TSBP1: variants seen among roughly 807,000 people sequenced by gnomAD.
TSBP1 encodes the protein testis expressed basic protein 1, also known as testis-expressed basic protein 1.
TSBP1 carries 56 observed loss-of-function variants against 68.8 expected under a neutral mutation model. The observed-to-expected ratio is 0.81, with a 90% CI of 0.66 to 1.02. The LOEUF (loss-of-function observed/expected upper bound fraction) is 1.02. Among genes scored for constraint, TSBP1 ranks in the 50% least tolerant of loss-of-function variants. The pLI is 0.00. For missense variants in TSBP1, 502 were observed against 641.2 expected, an observed-to-expected ratio of 0.78 and a Z score of 2.34; for synonymous variants, 171 against 208.7, an observed-to-expected ratio of 0.82 and a Z score of 1.56.
At chr6:32,332,535 G>A (rs1769160470) in intron 14 of TSBP1, among the ~76,000 whole-genome samples, 1 of 152,176 alleles carries the variant, frequency 6.6e-6, no homozygotes. Flanking sequence ...GAGTGATAGA[G>A]CAGTGACTGC....
chr6:32,302,797 A>G lies in TSBP1; in HGVS notation c.581-168T>C, dbSNP rs563218332. Among the ~76,000 whole-genome samples, 1 of 152,296 alleles carries G rather than the reference A, an allele frequency of 6.6e-6. No individual in the cohort carries two copies. The highest frequency in any genetic ancestry group is 2.1e-4 in the South Asian group (1 of 4,828). ...ACAGATCCCTTAGTGTGTTATAAGA[A>G]CCTGACAGTTTTTACCACCTTTATG... On this transcript the variant is annotated intron_variant, in intron 19 of 22. Coordinates refer to ENST00000612031, the Ensembl canonical transcript of TSBP1. The surrounding 1 kb of genome is among the most constrained non-coding windows in gnomAD (Gnocchi z 5.1).
chr6:32,309,225 T>C (rs1379386739), intron 19 of TSBP1, among the ~76,000 whole-genome samples: 3 of 152,146 alleles, frequency 2.0e-5, no homozygotes, highest in Non-Finnish European at 2.9e-5. Flanking sequence ...GCAGGGCTTA[T>C]AGGTGTGAAC....
chr6:32,296,736 G>T (rs538377279), intron 22 of TSBP1, among the ~76,000 whole-genome samples: 28 of 152,018 alleles, frequency 1.8e-4, no homozygotes, highest in Admixed American at 1.1e-3. Flanking sequence ...ATCCCTTGGG[G>T]GTAATTATTT....
chr6:32,295,693 A>C, intron 22 of TSBP1, among the ~76,000 whole-genome samples: 1 of 152,214 alleles, frequency 6.6e-6, no homozygotes, highest in East Asian at 1.9e-4. Flanking sequence ...GGTACAGTGC[A>C]TGGGACATAA....
chr6:32,293,481 C>T, exon 23 of TSBP1: 2 of 1,610,898 alleles, frequency 1.2e-6, no homozygotes, highest in Non-Finnish European at 1.7e-6. Flanking sequence ...CTCTTCTTTA[C>T]CTGGGCTTCC....
At chr6:32,331,577 C>T (rs906461588) in intron 15 of TSBP1, among the ~76,000 whole-genome samples, 2 of 152,074 alleles carry the variant, frequency 1.3e-5, no homozygotes, top group Admixed American at 1.3e-4. Context: ...GACAAAGGGC[C>T]AACTAAAGAA....
chr6:32,328,422 A>AT (rs201332386), intron 16 of TSBP1, among the ~76,000 whole-genome samples: 22,285 of 135,344 alleles, frequency 0.16, 1,903 homozygotes, highest in East Asian at 0.31. Flanking sequence ...TAACTTTTGT[A>AT]TTTTTTTTTT....
chr6:32,359,368 G>A (rs1256665023), intron 6 of TSBP1, among the ~76,000 whole-genome samples: 1 of 151,934 alleles, frequency 6.6e-6, no homozygotes, highest in Non-Finnish European at 1.5e-5. Context: ...TCTCATTGTG[G>A]TTTTGATTTG....
chr6:32,339,602 G>A, exon 10 of TSBP1: 1 of 1,282,972 alleles, frequency 7.8e-7, no homozygotes, highest in Non-Finnish European at 1.1e-6. Flanking sequence ...AAACTTACAA[G>A]GAGGTTCTTC....
chr6:32,355,239 G>A, intron 7 of TSBP1, 95 bp from the exon 8 acceptor site: 2 of 1,306,202 alleles, frequency 1.5e-6, no homozygotes, highest in Non-Finnish European at 2.2e-6. Context: ...CCCCTTCTCA[G>A]GAGTTAAAGT....
chr6:32,328,317 G>A (rs1412322223), intron 16 of TSBP1, among the ~76,000 whole-genome samples: 1 of 151,932 alleles, frequency 6.6e-6, no homozygotes, highest in Non-Finnish European at 1.5e-5. Context: ...ACACGATCTC[G>A]GCTCACTGCA....
intron 22 of TSBP1, among the ~76,000 whole-genome samples, chr6:32,299,065 C>T (rs1765009095): frequency 6.6e-6 from 1 of 152,134 alleles, no homozygotes; most frequent in South Asian, 2.1e-4. Flanking sequence ...ACAAAAAATG[C>T]ATTTGTGATT....
chr6:32,355,280 G>A, intron 7 of TSBP1, 136 bp from the exon 8 acceptor site: 1 of 832,020 alleles, frequency 1.2e-6, no homozygotes, highest in Non-Finnish European at 2.0e-6. Flanking sequence ...CTGATCTGGT[G>A]ATGGGTACTG....
Position 32,315,518 on chromosome 6 carries a change from C to T in TSBP1, c.580+254G>A, listed in dbSNP as rs1469827246. 6.6e-6 allele frequency among the ~76,000 whole-genome samples: 1 copy of T among 152,090 alleles called. No individual in the cohort carries two copies. Among genetic ancestry groups the T allele is most frequent in the African/African-American group, 2.4e-5 (1 of 41,418 alleles). ...TGGAGGTTGCAGTGAGCCTAGATCA[C>T]GCCACTGCACTCCAGCCTGTGTGAC... On this transcript the variant is annotated intron_variant, in intron 19 of 22. Coordinates refer to ENST00000612031, the Ensembl canonical transcript of TSBP1. This position sits in a 1 kb window ranked among gnomAD's most constrained non-coding sequence, Gnocchi z 5.4.
chr6:32,348,205 T>C lies in TSBP1; in HGVS notation c.349+1535A>G, dbSNP rs187769558. On this transcript the variant is annotated intron_variant, in intron 9 of 22. Transcript: ENST00000612031. ...GTTTTTATGGCAAGCCTGCCTCACA[T>C]GGGTCCTCTGCAGATTTTGCTGAAG... is the stretch of plus-strand genomic sequence containing the variant. 1.8e-4 allele frequency among the ~76,000 whole-genome samples: 28 copies of C among 152,350 alleles called. No individual in the cohort carries two copies. In the East Asian group the frequency reaches 5.2e-3, roughly 28 times the overall value.
At chr6:32,331,927 T>C (rs1444608754) in intron 15 of TSBP1, 107 bp downstream of exon 16, 6 of 839,654 alleles carry the variant, frequency 7.1e-6, no homozygotes, top group Non-Finnish European at 1.2e-5. Context: ...GTCTAAGAAA[T>C]ATGATTTTCA....
chr6:32,349,890 A>G, intron 8 of TSBP1, 130 bp from the exon 9 acceptor site: 1 of 966,330 alleles, frequency 1.0e-6, no homozygotes, highest in Non-Finnish European at 1.7e-6. Flanking sequence ...ATTTCCTGGT[A>G]TCAATTGCAA....
chr6:32,367,357 G>A (rs911627931), intron 4 of TSBP1, among the ~76,000 whole-genome samples: 2 of 152,082 alleles, frequency 1.3e-5, no homozygotes, highest in Non-Finnish European at 2.9e-5. Flanking sequence ...GTGAGGGTTA[G>A]GGATAGCCAT....
Position 32,300,709 on chromosome 6 carries a change from GA to G in TSBP1, c.602-10del. 1 of 1,612,150 alleles carries G rather than the reference GA, an allele frequency of 6.2e-7. No homozygotes were observed. The highest frequency in any genetic ancestry group is 8.5e-7 in the Non-Finnish European group (1 of 1,179,198). On this transcript the variant is annotated splice_polypyrimidine_tract_variant and intron_variant, in intron 20 of 22. Coordinates refer to ENST00000612031, the Ensembl canonical transcript of TSBP1. The stretch of plus-strand genomic sequence containing the variant: ...TTTTCCAGAACTGTCCACTGAAAGA[GA>G]TAAAGGCAAACACATCAGTAGGTAC...
Sources: allele counts gnomAD v4.1 joint callset (sites outside exome capture counted in the v4.1 genomes callset), GRCh38; gene constraint gnomAD v4.1.1; non-coding constraint Gnocchi (gnomAD v3.1); transcripts MANE v1.5; gene names NCBI Gene and HGNC (gene_info 2026-07-23, HGNC 2026-07-21).